KCNMA1: variants seen among roughly 807,000 people sequenced by gnomAD.
KCNMA1 encodes the protein Calcium-activated potassium channel subunit alpha-1.
KCNMA1 carries 29 observed loss-of-function variants against 140.0 expected under a neutral mutation model. The ratio of observed to expected loss-of-function variants is 0.21; its 90% CI spans 0.15 to 0.28. The LOEUF (loss-of-function observed/expected upper bound fraction) is 0.28, where lower values mean the gene tolerates loss of function less well. Among genes scored for constraint, KCNMA1 ranks in the 10% least tolerant of loss-of-function variants. The pLI is 1.00. For synonymous variants in KCNMA1, 612 were observed against 611.9 expected, an observed-to-expected ratio of 1.00 and a Z score of 0.00; for missense variants, 880 against 1,602.2, an observed-to-expected ratio of 0.55 and a Z score of 7.70.
intron 2 of KCNMA1, among the ~76,000 whole-genome samples, chr10:77,335,065 A>G (rs2088319936): frequency 1.3e-5 from 2 of 152,170 alleles, no homozygotes; most frequent in African/African-American, 4.8e-5. Context: ...AGGAGGGGAC[A>G]CATCTCAGCA....
At chr10:77,360,289 A>G (rs1360719545) in intron 2 of KCNMA1, among the ~76,000 whole-genome samples, 1 of 152,200 alleles carries the variant, frequency 6.6e-6, no homozygotes, top group Non-Finnish European at 1.5e-5. Flanking sequence ...AGTGGAGCTG[A>G]TGATTAGCAG....
chr10:77,280,089 T>C (rs1425620437), intron 2 of KCNMA1, among the ~76,000 whole-genome samples: 3 of 152,278 alleles, frequency 2.0e-5, no homozygotes, highest in African/African-American at 7.2e-5. Flanking sequence ...CCTCCTCTAA[T>C]AGAGAACACC....
At chr10:77,432,046 G>A (rs1206604922) in intron 1 of KCNMA1, among the ~76,000 whole-genome samples, 3 of 151,178 alleles carry the variant, frequency 2.0e-5, no homozygotes, top group Admixed American at 6.6e-5. Context: ...GCTCAGCTTC[G>A]GGGCAGGAGA....
Position 77,404,441 on chromosome 10 carries a change from G to A in KCNMA1, c.379-418C>T, listed in dbSNP as rs375468819. 2.2e-4 allele frequency among the ~76,000 whole-genome samples: 34 copies of A among 152,040 alleles called. No homozygotes were observed. In the East Asian group the frequency reaches 2.5e-3, roughly 11 times the overall value. On this transcript the variant is annotated intron_variant, in intron 1 of 27. Coordinates refer to ENST00000286628, the MANE Select transcript of KCNMA1 (RefSeq NM_001161352.2). ...TTACAGGCGCGCGGCCACCATGCTCGGCTAATTTTTGTATTTTTAGTAGAG... is the reference window on the plus strand; with the variant it reads ...TTACAGGCGCGCGGCCACCATGCTCAGCTAATTTTTGTATTTTTAGTAGAG...
At chr10:76,995,296 A>G (rs919300224) in intron 19 of KCNMA1, 6 of 223,104 alleles carry the variant, frequency 2.7e-5, no homozygotes, top group Non-Finnish European at 5.6e-5. Context: ...GTGTTGTAAA[A>G]TTGATAAAAA....
At chr10:77,464,411 G>A (rs1460268973) in intron 1 of KCNMA1, among the ~76,000 whole-genome samples, 1 of 151,942 alleles carries the variant, frequency 6.6e-6, no homozygotes, top group African/African-American at 2.4e-5. Flanking sequence ...ACTGCAGTCA[G>A]GAAGAAGACT....
intron 3 of KCNMA1, among the ~76,000 whole-genome samples, chr10:77,195,013 A>T (rs558582381): frequency 1.3e-5 from 2 of 152,194 alleles, no homozygotes; most frequent in Admixed American, 6.5e-5. Flanking sequence ...GCTTATATCT[A>T]TTTCTAACAT....
intron 2 of KCNMA1, among the ~76,000 whole-genome samples, chr10:77,387,728 C>T (rs1020637547): frequency 1.3e-5 from 2 of 151,962 alleles, no homozygotes; most frequent in African/African-American, 4.8e-5. Flanking sequence ...AGTGATTCTC[C>T]TGCCTCAGCC....
intron 3 of KCNMA1, among the ~76,000 whole-genome samples, chr10:77,197,222 C>A (rs940217630): frequency 6.6e-6 from 1 of 152,134 alleles, no homozygotes; most frequent in Non-Finnish European, 1.5e-5. Flanking sequence ...AGGCATTTAG[C>A]CCAAGAAGTG....
intron 1 of KCNMA1, among the ~76,000 whole-genome samples, chr10:77,442,077 G>A (rs1224678750): frequency 6.6e-6 from 1 of 152,190 alleles, no homozygotes; most frequent in African/African-American, 2.4e-5. Flanking sequence ...TTTTAGGAAA[G>A]AGATCACCCA....
intron 1 of KCNMA1, among the ~76,000 whole-genome samples, chr10:77,569,745 T>C (rs1471229065): frequency 6.6e-6 from 1 of 152,204 alleles, no homozygotes; most frequent in Non-Finnish European, 1.5e-5. Context: ...TGGGATCTAA[T>C]TAAACTCAAG....
intron 1 of KCNMA1, among the ~76,000 whole-genome samples, chr10:77,464,517 G>T (rs1479458849): frequency 6.6e-6 from 1 of 152,068 alleles, no homozygotes; most frequent in Non-Finnish European, 1.5e-5. Flanking sequence ...TCTGAGTCAT[G>T]CTAAGTAAGC....
chr10:77,154,850 T>A (rs2098464651), intron 5 of KCNMA1, among the ~76,000 whole-genome samples: 1 of 152,286 alleles, frequency 6.6e-6, no homozygotes, highest in Admixed American at 6.5e-5. Context: ...TAATTACAAA[T>A]TGCTTCAAGC....
chr10:76,973,505 A>G (rs2076662575), intron 19 of KCNMA1, among the ~76,000 whole-genome samples: 1 of 152,236 alleles, frequency 6.6e-6, no homozygotes, highest in Non-Finnish European at 1.5e-5. Context: ...TAAAGTTACA[A>G]TGATGTTTTA....
intron 14 of KCNMA1, among the ~76,000 whole-genome samples, chr10:77,052,441 C>G (rs1317943736): frequency 6.6e-6 from 1 of 152,110 alleles, no homozygotes; most frequent in Non-Finnish European, 1.5e-5. Context: ...CCTGGGCAAA[C>G]AGGACCCTGA....
intron 14 of KCNMA1, among the ~76,000 whole-genome samples, chr10:77,048,849 C>G (rs571795896): frequency 2.8e-4 from 43 of 152,244 alleles, no homozygotes; most frequent in African/African-American, 9.1e-4. Flanking sequence ...CAAGCTCCCC[C>G]TCGCGGGTTC....
chr10:77,037,523 C>T (rs1430322898), intron 15 of KCNMA1, among the ~76,000 whole-genome samples: 2 of 152,110 alleles, frequency 1.3e-5, no homozygotes, highest in East Asian at 3.9e-4. Flanking sequence ...CTTCAAGTTA[C>T]CCATAAGAGG....
intron 1 of KCNMA1, among the ~76,000 whole-genome samples, chr10:77,482,991 TA>T (rs2098416836): frequency 7.1e-5 from 9 of 126,750 alleles, no homozygotes; most frequent in African/African-American, 2.2e-4. Flanking sequence ...CTCTCTCACA[TA>T]CACACACACA....
chr10:77,084,664 T>A lies in KCNMA1; in HGVS notation c.1496A>T (p.Asp499Val). The A allele has an allele frequency of 6.2e-7, 1 of 1,614,188 alleles. No homozygotes were observed. The highest frequency in any genetic ancestry group is 8.5e-7 in the Non-Finnish European group (1 of 1,180,030). The change falls in exon 12 of 28, where the codon GAT becomes GTT. Residue 499 changes from aspartate (D) to valine (V), a missense_variant. Asp to Val is a radical substitution (Grantham distance 152, BLOSUM62 -3). Coordinates refer to ENST00000286628, the MANE Select transcript of KCNMA1 (RefSeq NM_001161352.2). ...ILANKYCADP[D>V]AEDASNIMRV... ...CATGATATTCGAGGCATCCTCCGCATCCGGGTCAGCGCAGTACTTGTTGGC... is the reference window on the plus strand; with the variant it reads ...CATGATATTCGAGGCATCCTCCGCAACCGGGTCAGCGCAGTACTTGTTGGC...
Sources: gnomAD v4.1 joint callset for allele counts (sites outside exome capture counted in the v4.1 genomes callset) on GRCh38, gnomAD v4.1.1 for gene constraint, MANE v1.5 for transcripts, NCBI Gene and HGNC (gene_info 2026-07-23, HGNC 2026-07-21) for gene names.